STXBP5: variants seen among roughly 807,000 people sequenced by gnomAD.
The protein encoded by STXBP5 is syntaxin-binding protein 5.
In STXBP5, 50 loss-of-function variants were observed where a neutral mutation model predicts 152.4. That is an observed-to-expected ratio of 0.33 (90% CI 0.26 to 0.42). The LOEUF (loss-of-function observed/expected upper bound fraction) is 0.42. STXBP5 is among the 10% of genes least tolerant of loss of function. STXBP5 has a pLI of 1.00. For missense variants in STXBP5, 1,167 were observed against 1,388.6 expected, an observed-to-expected ratio of 0.84 and a Z score of 2.54; for synonymous variants, 492 against 494.7, an observed-to-expected ratio of 0.99 and a Z score of 0.07.
chr6:147,285,102 T>C (rs1185666370), intron 8 of STXBP5, among the ~76,000 whole-genome samples: 2 of 152,044 alleles, frequency 1.3e-5, no homozygotes. Context: ...GGTGGGGAAA[T>C]AGGCCATAGT....
chr6:147,287,046 T>C (rs915249972), intron 8 of STXBP5, among the ~76,000 whole-genome samples: 4 of 151,180 alleles, frequency 2.6e-5, no homozygotes, highest in Admixed American at 1.3e-4. Flanking sequence ...ATACTAGATA[T>C]ATATATTTAT....
At chr6:147,233,090 T>A (rs2786187) in intron 2 of STXBP5, among the ~76,000 whole-genome samples, 87,184 of 151,482 alleles carry the variant, frequency 0.58, 26,064 homozygotes, top group African/African-American at 0.74. Flanking sequence ...TAGATATTCT[T>A]ATCAGGTAGA....
chr6:147,384,563 C>T, intron 27 of STXBP5, 151 bp from the exon 28 acceptor site: 2 of 750,786 alleles, frequency 2.7e-6, no homozygotes. Flanking sequence ...TAGAATAGTT[C>T]TTACTGCTTT....
intron 26 of STXBP5, among the ~76,000 whole-genome samples, chr6:147,375,335 A>G (rs183242511): frequency 1.3e-5 from 2 of 152,314 alleles, no homozygotes; most frequent in East Asian, 3.9e-4. Context: ...GTAAAAGTCA[A>G]TAGCAGTAGA....
chr6:147,238,462 G>A (rs1778384395), intron 3 of STXBP5, among the ~76,000 whole-genome samples: 1 of 152,090 alleles, frequency 6.6e-6, no homozygotes, highest in Non-Finnish European at 1.5e-5. Context: ...CACTTCACTG[G>A]CAATTAAATT....
chr6:147,268,500 T>G (rs1174732189), intron 7 of STXBP5, among the ~76,000 whole-genome samples: 3 of 152,166 alleles, frequency 2.0e-5, no homozygotes, highest in African/African-American at 7.2e-5. Flanking sequence ...TGTTTGTACA[T>G]TATCTTTTTA....
chr6:147,352,497 A>G (rs1489697868), intron 21 of STXBP5, among the ~76,000 whole-genome samples: 2 of 152,110 alleles, frequency 1.3e-5, no homozygotes, highest in Admixed American at 1.3e-4. Context: ...TGTAATCCCA[A>G]CTACTCAGGA....
chr6:147,352,438 C>T (rs1304787353), intron 21 of STXBP5, among the ~76,000 whole-genome samples: 2 of 152,042 alleles, frequency 1.3e-5, no homozygotes, highest in Admixed American at 6.5e-5. Context: ...GAGTGAAACC[C>T]CATCTCCACT....
chr6:147,367,221 G>A (rs969512376), intron 25 of STXBP5, among the ~76,000 whole-genome samples: 7 of 152,172 alleles, frequency 4.6e-5, no homozygotes, highest in Admixed American at 1.3e-4. Context: ...AAAAGATAGT[G>A]TACTTGAAAG....
At chr6:147,327,058 A>G (rs1783297544) in intron 17 of STXBP5, 67 bp from the exon 18 acceptor site, 2 of 1,448,638 alleles carry the variant, frequency 1.4e-6, no homozygotes, top group Non-Finnish European at 1.9e-6. Context: ...TCAGCCTTAT[A>G]GACTGTAGTA....
Position 147,283,335 on chromosome 6 carries a change from A to C in STXBP5, c.838+5131A>C, listed in dbSNP as rs371038215. 9.9e-4 allele frequency among the ~76,000 whole-genome samples: 151 copies of C among 152,344 alleles called. 1 individual carries two copies. The highest frequency in any genetic ancestry group is 3.5e-3 in the African/African-American group (145 of 41,584). On this transcript the variant is annotated intron_variant, in intron 8 of 27. Transcript: ENST00000321680. ...TTAATCTGCTTTTAAGATTCACCTG[A>C]AATCTAAAACATTCAGTAAATAATA...
intron 8 of STXBP5, among the ~76,000 whole-genome samples, chr6:147,289,754 TA>T (rs1428846729): frequency 2.0e-5 from 3 of 151,114 alleles, no homozygotes; most frequent in Non-Finnish European, 2.9e-5. Flanking sequence ...AAAACATTGC[TA>T]GGGGAGGATA....
rs1786369954 is a variant in STXBP5, at chr6:147,386,974, A to G, written c.*2219A>G. The G allele has an allele frequency of 6.6e-6, 1 of 151,792 alleles. No homozygotes were observed. Among genetic ancestry groups the G allele is most frequent in the Non-Finnish European group, 1.5e-5 (1 of 67,754 alleles). The allele number at this position is 151,792 out of a possible 1,614,324, so 9.4% of individuals were successfully genotyped here. A position where few individuals can be genotyped will look rare whatever the true frequency, so the allele number is the denominator to read the frequency against. On this transcript the variant is annotated 3_prime_UTR_variant, in exon 28 of 28. Coordinates refer to ENST00000321680, the MANE Select transcript of STXBP5 (RefSeq NM_001127715.4). ...TGTATACAAAATGAACTAATCTTGT[A>G]ATTATTTTCAAATATAGAAGTATAT...
chr6:147,205,946 T>A (rs1776532623), intron 1 of STXBP5, 25 bp from the exon 2 acceptor site: 1 of 1,591,540 alleles, frequency 6.3e-7, no homozygotes, highest in African/African-American at 1.3e-5. Flanking sequence ...CCTTGGTTGC[T>A]GTGATGTCAC....
chr6:147,292,509 T>C (rs189685308), intron 9 of STXBP5: 3,827 of 157,734 alleles, frequency 0.024, 55 homozygotes, highest in Non-Finnish European at 0.04. Context: ...ATAAACTCTA[T>C]AAATGATTGA....
At chr6:147,248,244 G>A (rs1368470986) in intron 4 of STXBP5, among the ~76,000 whole-genome samples, 3 of 149,338 alleles carry the variant, frequency 2.0e-5, no homozygotes, top group Admixed American at 2.0e-4. Flanking sequence ...TCACACCACT[G>A]CGCTCCAAAC....
intron 5 of STXBP5, among the ~76,000 whole-genome samples, chr6:147,261,724 A>C (rs1387635371): frequency 6.6e-6 from 1 of 151,956 alleles, no homozygotes; most frequent in Non-Finnish European, 1.5e-5. Context: ...GTATAGTTTC[A>C]CAGATGGCTC....
chr6:147,355,629 C>G (rs903144568), intron 22 of STXBP5, among the ~76,000 whole-genome samples: 3 of 152,152 alleles, frequency 2.0e-5, no homozygotes, highest in African/African-American at 7.2e-5. Flanking sequence ...AATTCTGACT[C>G]TACCACATAC....
At chr6:147,356,627 C>G (rs765250348) in intron 22 of STXBP5, among the ~76,000 whole-genome samples, 7 of 151,780 alleles carry the variant, frequency 4.6e-5, no homozygotes, top group Non-Finnish European at 1.5e-5. Flanking sequence ...AAAAAATGAT[C>G]CATAGTATTA....
Sources: allele counts gnomAD v4.1 joint callset (sites outside exome capture counted in the v4.1 genomes callset), GRCh38; gene constraint gnomAD v4.1.1; transcripts MANE v1.5; gene names NCBI Gene and HGNC (gene_info 2026-07-23, HGNC 2026-07-21).